The following FAM135B variants were observed in gnomAD, a reference collection of about 807,000 sequenced individuals.
The protein encoded by FAM135B is protein FAM135B.
Under a neutral mutation model 127.7 loss-of-function variants are expected in FAM135B, and 43 were observed. That is an observed-to-expected ratio of 0.34 (90% CI 0.26 to 0.43). The LOEUF (loss-of-function observed/expected upper bound fraction) is 0.43, where lower values mean the gene tolerates loss of function less well. Ranked by LOEUF, FAM135B falls within the 20% of genes least tolerant of loss-of-function variation. The pLI, the probability that FAM135B is intolerant of heterozygous loss-of-function variation, is 1.00. For missense variants in FAM135B, 1,558 were observed against 1,725.6 expected (o/e 0.90, Z 1.72); for synonymous variants, 670 against 665.1 (o/e 1.01, Z -0.11).
intron 2 of FAM135B, among the ~76,000 whole-genome samples, chr8:138,341,250 A>G (rs956605693): frequency 6.6e-6 from 1 of 152,240 alleles, no homozygotes; most frequent in Non-Finnish European, 1.5e-5. Context: ...AAATTCTGAC[A>G]CAGCTACAAC....
intron 4 of FAM135B, 112 bp from the exon 5 acceptor site, chr8:138,256,871 T>A: frequency 1.3e-6 from 1 of 781,346 alleles, no homozygotes; most frequent in Middle Eastern, 2.3e-4. Context: ...CAAAAATCAA[T>A]GTCATTTATG....
intron 1 of FAM135B, among the ~76,000 whole-genome samples, chr8:138,491,150 A>C (rs1815180854): frequency 6.6e-6 from 1 of 151,396 alleles, no homozygotes; most frequent in Admixed American, 6.6e-5. Context: ...CTCAAAAAAA[A>C]AAAAAAAAAG....
At chr8:138,324,807 G>T (rs1023122792) in intron 2 of FAM135B, among the ~76,000 whole-genome samples, 1 of 152,122 alleles carries the variant, frequency 6.6e-6, no homozygotes, top group East Asian at 1.9e-4. Flanking sequence ...TGCTCGTAAC[G>T]ACTATACAAT....
chr8:138,167,183 T>G (rs1282278424), intron 12 of FAM135B, among the ~76,000 whole-genome samples: 1 of 151,924 alleles, frequency 6.6e-6, no homozygotes, highest in Non-Finnish European at 1.5e-5. Flanking sequence ...GCCAATGCCT[T>G]TATTTGTTAT....
chr8:138,154,222 G>C (rs1416666038), intron 12 of FAM135B, among the ~76,000 whole-genome samples: 2 of 151,954 alleles, frequency 1.3e-5, no homozygotes, highest in African/African-American at 2.4e-5. Context: ...TGCAGCTGAG[G>C]GTCCTGACTG....
At chr8:138,445,037 A>G (rs2131562752) in intron 1 of FAM135B, among the ~76,000 whole-genome samples, 1 of 152,364 alleles carries the variant, frequency 6.6e-6, no homozygotes, top group South Asian at 2.1e-4. Context: ...CTACGCAAAT[A>G]AACTAGAAAA....
chr8:138,426,516 A>G (rs114265914), intron 1 of FAM135B, among the ~76,000 whole-genome samples: 2,257 of 150,950 alleles, frequency 0.015, 68 homozygotes, highest in African/African-American at 0.049. Context: ...ATATATGTAT[A>G]ATATATGTAT....
chr8:138,371,022 T>C (rs1460664675), intron 1 of FAM135B, among the ~76,000 whole-genome samples: 1 of 152,200 alleles, frequency 6.6e-6, no homozygotes, highest in African/African-American at 2.4e-5. Context: ...CAGGGATCTG[T>C]GTTTTCACAA....
chr8:138,346,234 A>C (rs2131088839), intron 2 of FAM135B, among the ~76,000 whole-genome samples: 1 of 152,340 alleles, frequency 6.6e-6, no homozygotes, highest in South Asian at 2.1e-4. Context: ...ATTGTGGAAG[A>C]CAGTGTGGCA....
chr8:138,220,151 C>A (rs953970160), intron 7 of FAM135B, among the ~76,000 whole-genome samples: 1 of 151,824 alleles, frequency 6.6e-6, no homozygotes, highest in African/African-American at 2.4e-5. Context: ...GGGTCCAGTG[C>A]CCCATGGTGA....
At chr8:138,139,246 T>C in intron 17 of FAM135B, 150 bp from the exon 18 acceptor site, 1 of 574,636 alleles carries the variant, frequency 1.7e-6, no homozygotes, top group South Asian at 2.0e-5. Context: ...AGTTGGGAAG[T>C]TAGAGGTAAA....
chr8:138,464,194 TG>T (rs1408249365), intron 1 of FAM135B, among the ~76,000 whole-genome samples: 2 of 152,060 alleles, frequency 1.3e-5, no homozygotes, highest in Admixed American at 6.6e-5. Context: ...TCATGGTGGA[TG>T]GGGAGATGGC....
intron 12 of FAM135B, among the ~76,000 whole-genome samples, chr8:138,164,343 C>G (rs1435527722): frequency 6.6e-6 from 1 of 152,152 alleles, no homozygotes; most frequent in African/African-American, 2.4e-5. Context: ...GAGTGACTGC[C>G]TTTGTTCTTC....
intron 1 of FAM135B, among the ~76,000 whole-genome samples, chr8:138,479,514 T>C (rs1157435005): frequency 1.3e-5 from 2 of 152,220 alleles, no homozygotes; most frequent in Non-Finnish European, 2.9e-5. Flanking sequence ...TCATCTTTAT[T>C]GCTCTTACCA....
intron 5 of FAM135B, 67 bp downstream of exon 5, chr8:138,256,622 C>T (rs1018850260): frequency 1.5e-6 from 2 of 1,350,712 alleles, no homozygotes; most frequent in African/African-American, 2.9e-5. Context: ...TGAGGCTATC[C>T]CAAGAGTGGG....
chr8:138,328,967 C>A (rs1827989915), intron 2 of FAM135B, among the ~76,000 whole-genome samples: 1 of 152,182 alleles, frequency 6.6e-6, no homozygotes, highest in Non-Finnish European at 1.5e-5. Context: ...TGGATGATGT[C>A]ATGTTCTCCT....
chr8:138,440,814 T>C (rs553682135), intron 1 of FAM135B: 38 of 151,984 alleles, frequency 2.5e-4, no homozygotes, highest in African/African-American at 9.2e-4. Context: ...TGATATTTCA[T>C]GACATGCAAC....
chr8:138,493,376 C>T (rs528752763), intron 1 of FAM135B, among the ~76,000 whole-genome samples: 1 of 152,206 alleles, frequency 6.6e-6, no homozygotes, highest in African/African-American at 2.4e-5. Flanking sequence ...AGTTCTTCTT[C>T]TCTTGTAGAA....
At chr8:138,185,112 G>C (rs897292121) in intron 9 of FAM135B, among the ~76,000 whole-genome samples, 1 of 152,272 alleles carries the variant, frequency 6.6e-6, no homozygotes, top group Middle Eastern at 3.4e-3. Flanking sequence ...GACAGGGAAA[G>C]GAGAGGTAAC....
Sources: gnomAD v4.1 joint callset for allele counts (sites outside exome capture counted in the v4.1 genomes callset) on GRCh38, gnomAD v4.1.1 for gene constraint, MANE v1.5 for transcripts, NCBI Gene and HGNC (gene_info 2026-07-23, HGNC 2026-07-21) for gene names.